Variants in HBS1L observed in about 807,000 individuals in gnomAD.
HBS1L encodes HBS1 like translational GTPase.
HBS1L carries 55 observed loss-of-function variants against 88.9 expected under a neutral mutation model. The ratio of observed to expected loss-of-function variants is 0.62; its 90% CI spans 0.50 to 0.77. The LOEUF is 0.77. Ranked by LOEUF, HBS1L falls within the 30% of genes least tolerant of loss-of-function variation. The pLI is 0.00. For synonymous variants in HBS1L, 267 were observed against 288.5 expected (o/e 0.93, Z 0.76); for missense variants, 741 against 829.3 (o/e 0.89, Z 1.31).
intron 4 of HBS1L, among the ~76,000 whole-genome samples, chr6:135,004,656 C>G (rs9402675): frequency 0.47 from 71,848 of 151,640 alleles, 17,255 homozygotes; most frequent in South Asian, 0.56. Flanking sequence ...GGGGAAAGGG[C>G]AAGGGAGAGG....
At chr6:135,043,439 A>T (rs1291592679) in intron 2 of HBS1L, among the ~76,000 whole-genome samples, 2 of 152,206 alleles carry the variant, frequency 1.3e-5, no homozygotes, top group African/African-American at 4.8e-5. Flanking sequence ...AATCACATTG[A>T]GGGGTAGAGA....
At chr6:135,004,340 T>C (rs919162040) in intron 4 of HBS1L, among the ~76,000 whole-genome samples, 1 of 151,704 alleles carries the variant, frequency 6.6e-6, no homozygotes, top group Non-Finnish European at 1.5e-5. Flanking sequence ...AATTTGATGA[T>C]AGGGCACATG....
chr6:135,024,354 G>A (rs1399105859), intron 4 of HBS1L, among the ~76,000 whole-genome samples: 1 of 150,658 alleles, frequency 6.6e-6, no homozygotes, highest in Non-Finnish European at 1.5e-5. Context: ...GCAGAAGAAT[G>A]GCGTGAACCC....
intron 4 of HBS1L, among the ~76,000 whole-genome samples, chr6:135,012,960 A>T (rs770499786): frequency 5.9e-5 from 9 of 152,238 alleles, no homozygotes; most frequent in Non-Finnish European, 8.8e-5. Context: ...AATAAAGCAC[A>T]TATAAAGTTA....
intron 15 of HBS1L, among the ~76,000 whole-genome samples, chr6:134,972,228 T>C (rs190451101): frequency 7.8e-4 from 118 of 152,184 alleles, no homozygotes; most frequent in Middle Eastern, 3.4e-3. Context: ...ATGGGCTACG[T>C]AGTCTGTTAG....
At chr6:134,999,579 C>G (rs530957635) in intron 5 of HBS1L, among the ~76,000 whole-genome samples, 1 of 151,238 alleles carries the variant, frequency 6.6e-6, no homozygotes, top group East Asian at 2.0e-4. Context: ...TACTGAGTAG[C>G]TGGGATTACA....
intron 4 of HBS1L, among the ~76,000 whole-genome samples, chr6:135,016,166 C>T (rs575377483): frequency 5.1e-4 from 77 of 152,170 alleles, no homozygotes; most frequent in Admixed American, 3.4e-3. Flanking sequence ...GATTACAGGC[C>T]GGAGTCACCA....
chr6:135,005,737 A>G (rs954014114), intron 4 of HBS1L, among the ~76,000 whole-genome samples: 1 of 152,242 alleles, frequency 6.6e-6, no homozygotes, highest in African/African-American at 2.4e-5. Context: ...TGGAATCCAA[A>G]GTACAGGTAG....
intron 1 of HBS1L, 103 bp from the exon 2 acceptor site, chr6:135,050,750 C>A: frequency 1.4e-6 from 1 of 728,810 alleles, no homozygotes; most frequent in South Asian, 1.9e-5. Context: ...AACTGTTTAT[C>A]AAAATTTAAG....
chr6:134,994,434 G>A (rs749329245), intron 7 of HBS1L, among the ~76,000 whole-genome samples: 9 of 152,044 alleles, frequency 5.9e-5, no homozygotes, highest in Non-Finnish European at 1.3e-4. Context: ...AATTCTTCCT[G>A]GAGACCAACA....
At position 134,973,677 on chromosome 6, in the gene HBS1L, C is replaced by T. The variant is rs143908869; in HGVS notation, c.1798-4339G>A. On this transcript the variant is annotated intron_variant, in intron 15 of 17. Transcript: ENST00000367837. ...CTAAAAATAAAACAAATTAGCCAGG[C>T]GTGGTAGTGCACACCTGTAGTCCCA... Among the ~76,000 whole-genome samples, 1,310 of 152,158 alleles carry T rather than the reference C, an allele frequency of 8.6e-3. 12 individuals carry two copies. The highest frequency in any genetic ancestry group is 0.03 in the African/African-American group (1,231 of 41,516).
intron 4 of HBS1L, among the ~76,000 whole-genome samples, chr6:135,033,128 G>A (rs958517810): frequency 2.0e-5 from 3 of 151,950 alleles, no homozygotes; most frequent in African/African-American, 7.3e-5. Flanking sequence ...TGTTTATAAT[G>A]TATTTTATAT....
intron 1 of HBS1L, 64 bp downstream of exon 1, chr6:135,054,585 C>G (rs985111677): frequency 1.9e-6 from 3 of 1,581,238 alleles, no homozygotes; most frequent in African/African-American, 1.3e-5. Context: ...GAAGTGGATG[C>G]CAACGGGCTA....
rs139624826 is a variant in HBS1L at position 134,994,294 on chromosome 6, G to T, written c.966-419C>A. On this transcript the variant is annotated intron_variant, in intron 7 of 17. Transcript: ENST00000367837. ...CTTATGCTTCACTAATTATAGAAATGAGCTTATAAAACTTAATTTGCAAGG... is the reference window on the plus strand; with the variant it reads ...CTTATGCTTCACTAATTATAGAAATTAGCTTATAAAACTTAATTTGCAAGG... 4.8e-3 allele frequency among the ~76,000 whole-genome samples: 723 copies of T among 152,056 alleles called. 3 individuals are homozygous for T. Among genetic ancestry groups the T allele is most frequent in the African/African-American group, 0.016 (682 of 41,506 alleles).
intron 16 of HBS1L, among the ~76,000 whole-genome samples, chr6:134,967,653 T>C (rs1035048633): frequency 3.3e-5 from 5 of 152,178 alleles, no homozygotes; most frequent in Non-Finnish European, 5.9e-5. Flanking sequence ...CTCAGGATTA[T>C]ATATGATGAG....
At chr6:135,021,175 TTAAG>T (rs773473983) in intron 4 of HBS1L, among the ~76,000 whole-genome samples, 7 of 152,022 alleles carry the variant, frequency 4.6e-5, no homozygotes, top group Admixed American at 6.6e-5. Flanking sequence ...ATTATGAATA[TTAAG>T]TGTTAGCAGA....
chr6:134,989,324 T>C (rs1181508891), intron 8 of HBS1L, among the ~76,000 whole-genome samples: 7 of 152,182 alleles, frequency 4.6e-5, no homozygotes, highest in Admixed American at 4.6e-4. Flanking sequence ...AAATCCACTT[T>C]TCTGAAATCC....
At chr6:135,007,119 C>A (rs1775636003) in intron 4 of HBS1L, among the ~76,000 whole-genome samples, 1 of 152,064 alleles carries the variant, frequency 6.6e-6, no homozygotes, top group Non-Finnish European at 1.5e-5. Flanking sequence ...GGTCTCTAAG[C>A]ACACAAAAAA....
chr6:134,971,183 G>A (rs544849287), intron 15 of HBS1L, among the ~76,000 whole-genome samples: 83 of 151,622 alleles, frequency 5.5e-4, no homozygotes, highest in African/African-American at 1.9e-3. Context: ...TGGCATTTGA[G>A]GAGTCAGAAC....
Sources: gnomAD v4.1 joint callset for allele counts (sites outside exome capture counted in the v4.1 genomes callset) on GRCh38, gnomAD v4.1.1 for gene constraint, MANE v1.5 for transcripts, NCBI Gene and HGNC (gene_info 2026-07-23, HGNC 2026-07-21) for gene names.